The following PRKN variants were observed in gnomAD, a reference collection of about 807,000 sequenced individuals.
PRKN encodes the protein parkin RBR E3 ubiquitin protein ligase.
PRKN carries 56 observed loss-of-function variants against 59.5 expected under a neutral mutation model. The ratio of observed to expected loss-of-function variants is 0.94; its 90% confidence interval spans 0.76 to 1.18. The LOEUF is 1.18. PRKN is among the 50% of genes most tolerant of loss of function. The pLI, the probability that PRKN is intolerant of heterozygous loss-of-function variation, is 0.00. For synonymous variants in PRKN, 250 were observed against 222.1 expected (o/e 1.13, Z -1.12); for missense variants, 657 against 596.4 (o/e 1.10, Z -1.06).
intron 1 of PRKN, among the ~76,000 whole-genome samples, chr6:162,632,518 T>C (rs1266215172): frequency 1.3e-5 from 2 of 152,004 alleles, no homozygotes; most frequent in African/African-American, 4.8e-5. Context: ...GAGGGAGGCA[T>C]GGGTTGAAAA....
intron 7 of PRKN, among the ~76,000 whole-genome samples, chr6:161,722,194 T>C (rs1045380003): frequency 2.6e-5 from 4 of 151,948 alleles, no homozygotes; most frequent in African/African-American, 7.2e-5. Context: ...TCTGAGTATA[T>C]AGAAAATTCG....
At chr6:162,385,464 T>C (rs1350565238) in intron 2 of PRKN, among the ~76,000 whole-genome samples, 2 of 152,210 alleles carry the variant, frequency 1.3e-5, no homozygotes, top group Non-Finnish European at 1.5e-5. Flanking sequence ...GTAGAGCTAA[T>C]TGCGGTGGCT....
intron 7 of PRKN, among the ~76,000 whole-genome samples, chr6:161,772,084 C>T (rs1308199529): frequency 3.3e-5 from 5 of 152,110 alleles, no homozygotes; most frequent in Non-Finnish European, 7.4e-5. Context: ...TTGAATGCAG[C>T]ACCACTAGGC....
chr6:161,521,213 AAG>A (rs1450633367), intron 9 of PRKN, among the ~76,000 whole-genome samples: 1 of 85,198 alleles, frequency 1.2e-5, no homozygotes, highest in Non-Finnish European at 2.7e-5. Flanking sequence ...AATGAAGAAT[AAG>A]AGAGTGACAA....
intron 4 of PRKN, among the ~76,000 whole-genome samples, chr6:162,124,506 T>C (rs927080390): frequency 1.3e-4 from 20 of 152,064 alleles, no homozygotes; most frequent in Non-Finnish European, 7.4e-5. Flanking sequence ...CCCATTGAGC[T>C]GGAATCTGAT....
intron 1 of PRKN, among the ~76,000 whole-genome samples, chr6:162,548,799 G>A (rs551869024): frequency 4.3e-4 from 65 of 152,212 alleles, no homozygotes; most frequent in African/African-American, 1.5e-3. Flanking sequence ...TATTTCCTGT[G>A]GCAATCATCT....
At chr6:162,166,542 C>A (rs892045309) in intron 4 of PRKN, among the ~76,000 whole-genome samples, 7 of 152,092 alleles carry the variant, frequency 4.6e-5, no homozygotes, top group African/African-American at 1.4e-4. Context: ...GAACTATGAA[C>A]ATGTATTGAA....
At chr6:161,626,951 G>C (rs1028792060) in intron 7 of PRKN, among the ~76,000 whole-genome samples, 8 of 151,620 alleles carry the variant, frequency 5.3e-5, no homozygotes, top group African/African-American at 1.9e-4. Flanking sequence ...CACTTATCTA[G>C]ATCAGTTTCT....
At chr6:162,380,465 ATATGTGTG>A (rs2128140514) in intron 2 of PRKN, among the ~76,000 whole-genome samples, 1 of 58,442 alleles carries the variant, frequency 1.7e-5, no homozygotes, top group South Asian at 5.2e-4. Context: ...ACACACATAT[ATATGTGTG>A]TATATATATG....
chr6:162,505,777 G>C (rs1793583042), intron 1 of PRKN, among the ~76,000 whole-genome samples: 2 of 142,742 alleles, frequency 1.4e-5, no homozygotes, highest in Admixed American at 1.4e-4. Flanking sequence ...ATGATATGAA[G>C]CAGATCTGGA....
intron 5 of PRKN, among the ~76,000 whole-genome samples, chr6:162,019,443 T>C (rs371275066): frequency 1.5e-3 from 232 of 152,266 alleles, no homozygotes; most frequent in African/African-American, 5.3e-3. Context: ...CAGAGATGGA[T>C]TGAAAGGCAC....
rs145318816 is a variant in PRKN, at chr6:161,560,132, C to T, written c.933+9223G>A. On this transcript the variant is annotated intron_variant, in intron 8 of 11. Coordinates refer to ENST00000366898, the MANE Select transcript of PRKN (RefSeq NM_004562.3). This position sits in a 1 kb window ranked among gnomAD's most constrained non-coding sequence, Gnocchi z 4.9. ...GGTCCATACGTTTCCTAATATCAGC[C>T]AATTTCCATGCTTCCCTCTCTCCTA... Among the ~76,000 whole-genome samples, 16 of 152,274 alleles carry T rather than the reference C, an allele frequency of 1.1e-4. No homozygotes were observed. The highest frequency in any genetic ancestry group is 3.4e-3 in the Middle Eastern group (1 of 294).
At chr6:162,200,719 G>T (rs966254459) in intron 4 of PRKN, among the ~76,000 whole-genome samples, 1 of 152,032 alleles carries the variant, frequency 6.6e-6, no homozygotes, top group East Asian at 1.9e-4. Flanking sequence ...CAATCTTAAC[G>T]CAACAGCCCA....
chr6:161,907,939 G>T (rs561485967), intron 6 of PRKN, among the ~76,000 whole-genome samples: 239 of 152,180 alleles, frequency 1.6e-3, no homozygotes, highest in African/African-American at 5.3e-3. Flanking sequence ...TTAGCCGGGT[G>T]TGGGGGCGGG....
intron 7 of PRKN, among the ~76,000 whole-genome samples, chr6:161,753,293 A>T (rs1303661345): frequency 6.6e-6 from 1 of 152,160 alleles, no homozygotes; most frequent in African/African-American, 2.4e-5. Context: ...AGGGAGAAGG[A>T]ACACAGAGAG....
intron 4 of PRKN, among the ~76,000 whole-genome samples, chr6:162,117,044 T>C (rs1780704682): frequency 6.6e-6 from 1 of 152,168 alleles, no homozygotes; most frequent in African/African-American, 2.4e-5. Context: ...CTGTCCAGGA[T>C]GGTTTCTGAG....
intron 9 of PRKN, among the ~76,000 whole-genome samples, chr6:161,426,292 A>G (rs998014116): frequency 6.6e-6 from 1 of 152,150 alleles, no homozygotes; most frequent in African/African-American, 2.4e-5. Flanking sequence ...GGACTGAAGG[A>G]TGCAAAGTAT....
intron 4 of PRKN, among the ~76,000 whole-genome samples, chr6:162,070,998 TG>T (rs1778551876): frequency 6.6e-6 from 1 of 152,066 alleles, no homozygotes; most frequent in Non-Finnish European, 1.5e-5. Context: ...AGCCTGGAAA[TG>T]GGCAGAGTGT....
At chr6:162,178,215 C>G (rs924050865) in intron 4 of PRKN, among the ~76,000 whole-genome samples, 2 of 152,178 alleles carry the variant, frequency 1.3e-5, no homozygotes, top group African/African-American at 4.8e-5. Flanking sequence ...GTGGGTCATC[C>G]GTAAAATGTT....
Sources: gnomAD v4.1 joint callset for allele counts (sites outside exome capture counted in the v4.1 genomes callset) on GRCh38, gnomAD v4.1.1 for gene constraint, Gnocchi (gnomAD v3.1) non-coding constraint, MANE v1.5 for transcripts, NCBI Gene and HGNC (gene_info 2026-07-23, HGNC 2026-07-21) for gene names.